FOCAD: variants seen among roughly 807,000 people sequenced by gnomAD.
The protein encoded by FOCAD is KIAA1797.
Under a neutral mutation model 225.6 loss-of-function variants are expected in FOCAD, and 198 were observed. The ratio of observed to expected loss-of-function variants is 0.88; its 90% CI spans 0.78 to 0.99. The LOEUF (loss-of-function observed/expected upper bound fraction) is 0.99. FOCAD is among the 50% of genes least tolerant of loss of function. FOCAD has a pLI of 0.00. For synonymous variants in FOCAD, 897 were observed against 755.0 expected (o/e 1.19, Z -3.08); for missense variants, 2,713 against 2,123.6 (o/e 1.28, Z -5.46).
At chr9:20,902,082 G>A (rs10757156) in intron 21 of FOCAD, among the ~76,000 whole-genome samples, 52,131 of 151,654 alleles carry the variant, frequency 0.34, 9,251 homozygotes, top group East Asian at 0.46. Flanking sequence ...TACATATTTA[G>A]TTCTGTTAAA....
At position 20,995,481 on chromosome 9, in the gene FOCAD, C is replaced by A. The variant is rs1359920830; in HGVS notation, c.5333-75C>A. 4 of 1,274,404 alleles carry A rather than the reference C, an allele frequency of 3.1e-6. No individual in the cohort carries two copies. The East Asian group carries it at 7.1e-5, about 23-fold the overall frequency. The allele number at this position is 1,274,404 out of a possible 1,614,324, so 78.9% of individuals were successfully genotyped here. ...GAACATTAGCCAAGTGAGAAAAAGA[C>A]AAATTCTGTTCTGACACCTTTTTGA... On this transcript the variant is annotated intron_variant, in intron 43 of 43. Coordinates refer to ENST00000338382, the MANE Select transcript of FOCAD (RefSeq NM_001375567.1).
chr9:20,771,098 C>A (rs906457967), intron 8 of FOCAD, among the ~76,000 whole-genome samples: 2 of 152,082 alleles, frequency 1.3e-5, no homozygotes, highest in Admixed American at 6.6e-5. Context: ...TGGAATGTGC[C>A]TGGTACAAGG....
intron 10 of FOCAD, among the ~76,000 whole-genome samples, chr9:20,783,580 T>G (rs1252942982): frequency 7.0e-6 from 1 of 142,532 alleles, no homozygotes. Flanking sequence ...ATTTGACTAT[T>G]GGATTTTTTT....
Position 20,862,565 on chromosome 9 carries a change from A to G in FOCAD, c.1921-13A>G, listed in dbSNP as rs760805562. ...GTCTTGTTAGGTGTTGACCTTTTCT[A>G]TTTGCTTCACAGGTTGTTTGCATTC... On this transcript the variant is annotated splice_polypyrimidine_tract_variant and intron_variant, in intron 15 of 43. Transcript: ENST00000338382. 2.6e-5 allele frequency: 42 copies of G among 1,611,548 alleles called. No homozygotes were observed. The highest frequency in any genetic ancestry group is 4.5e-5 in the East Asian group (2 of 44,844).
intron 21 of FOCAD, among the ~76,000 whole-genome samples, chr9:20,895,121 C>T (rs919239758): frequency 6.6e-6 from 1 of 151,962 alleles, no homozygotes; most frequent in Non-Finnish European, 1.5e-5. Flanking sequence ...CAAATATTAA[C>T]GGACTACATT....
chr9:20,824,072 T>G (rs901273992), intron 15 of FOCAD, among the ~76,000 whole-genome samples: 1 of 152,088 alleles, frequency 6.6e-6, no homozygotes, highest in Non-Finnish European at 1.5e-5. Context: ...GTTTAAAAAC[T>G]GATGTGTGGT....
chr9:20,718,049 G>A (rs977788949), intron 3 of FOCAD, among the ~76,000 whole-genome samples, 181 bp downstream of exon 3: 5 of 152,140 alleles, frequency 3.3e-5, no homozygotes, highest in Non-Finnish European at 5.9e-5. Flanking sequence ...CAATAAAAAA[G>A]TTTTAAATTT....
intron 33 of FOCAD, among the ~76,000 whole-genome samples, chr9:20,950,561 C>A (rs2132371889): frequency 6.6e-6 from 1 of 152,156 alleles, no homozygotes; most frequent in South Asian, 2.1e-4. Flanking sequence ...TTTAAAAATC[C>A]TTATGAATGA....
intron 35 of FOCAD, among the ~76,000 whole-genome samples, chr9:20,967,513 C>G (rs575410882): frequency 6.6e-6 from 1 of 151,974 alleles, no homozygotes; most frequent in Admixed American, 6.5e-5. Flanking sequence ...TTTTTCTTGT[C>G]TAATTGCTCC....
At chr9:20,919,558 A>G (rs1381312685) in intron 24 of FOCAD, among the ~76,000 whole-genome samples, 1 of 152,206 alleles carries the variant, frequency 6.6e-6, no homozygotes, top group African/African-American at 2.4e-5. Flanking sequence ...CTGACTTCAA[A>G]CTATACTACA....
intron 15 of FOCAD, among the ~76,000 whole-genome samples, chr9:20,845,589 T>C (rs1827021302): frequency 6.6e-6 from 1 of 151,834 alleles, no homozygotes; most frequent in Non-Finnish European, 1.5e-5. Context: ...TGATCAGCTT[T>C]AGAGCTAAAC....
chr9:20,808,818 A>T (rs1470897128), intron 11 of FOCAD, among the ~76,000 whole-genome samples: 1 of 152,178 alleles, frequency 6.6e-6, no homozygotes, highest in African/African-American at 2.4e-5. Context: ...TACTAGTTCT[A>T]TGTCCTTTGG....
intron 15 of FOCAD, among the ~76,000 whole-genome samples, chr9:20,849,702 G>C (rs1006165686): frequency 1.3e-5 from 2 of 151,876 alleles, no homozygotes; most frequent in South Asian, 4.1e-4. Flanking sequence ...CTAAGGGATA[G>C]GCAGCCATGT....
intron 5 of FOCAD, among the ~76,000 whole-genome samples, chr9:20,756,705 C>T (rs1266907665): frequency 6.6e-6 from 1 of 152,186 alleles, no homozygotes; most frequent in African/African-American, 2.4e-5. Context: ...GCATTTCTAA[C>T]AAGTTCCCAG....
chr9:20,747,161 A>C (rs760468428), intron 5 of FOCAD, among the ~76,000 whole-genome samples: 1 of 152,138 alleles, frequency 6.6e-6, no homozygotes, highest in Non-Finnish European at 1.5e-5. Flanking sequence ...TGATGACTAC[A>C]AAATGGTGAT....
In FOCAD at chr9:20,923,661, G is replaced by C. The variant is rs1226417566; in HGVS notation, c.2854G>C (p.Glu952Gln). 1 of 1,613,442 alleles carries C rather than the reference G, an allele frequency of 6.2e-7. No homozygotes were observed. Residue 952 changes from glutamate to glutamine, a missense_variant and splice_region_variant, in exon 25 of 44, where the codon GAG becomes CAG. Coordinates refer to ENST00000338382, the MANE Select transcript of FOCAD (RefSeq NM_001375567.1). ...TGAAATTTTTTTCCTTTTGAACAGGGAGAGTCCGGTAGTGAAAGGCAATGC... is the reference window on the plus strand; with the variant it reads ...TGAAATTTTTTTCCTTTTGAACAGGCAGAGTCCGGTAGTGAAAGGCAATGC... ...TDEITKAAAK[E>Q]SPVVKGNALL... is the part of the protein sequence containing the mutation.
At chr9:20,961,223 G>A (rs1838696011) in intron 35 of FOCAD, among the ~76,000 whole-genome samples, 1 of 150,272 alleles carries the variant, frequency 6.7e-6, no homozygotes, top group South Asian at 2.1e-4. Context: ...CTCTCTCTCT[G>A]TGTTAGTGTA....
At chr9:20,886,136 C>T (rs1395248225) in intron 21 of FOCAD, among the ~76,000 whole-genome samples, 1 of 152,148 alleles carries the variant, frequency 6.6e-6, no homozygotes, top group Non-Finnish European at 1.5e-5. Flanking sequence ...TTTTTCAAGA[C>T]CCATCTTTGT....
At chr9:20,833,527 A>G (rs1825715330) in intron 15 of FOCAD, among the ~76,000 whole-genome samples, 1 of 152,122 alleles carries the variant, frequency 6.6e-6, no homozygotes. Context: ...TTCACATGGC[A>G]GCGACCACTT....
Sources: allele counts gnomAD v4.1 joint callset (sites outside exome capture counted in the v4.1 genomes callset), GRCh38; gene constraint gnomAD v4.1.1; transcripts MANE v1.5; gene names NCBI Gene and HGNC (gene_info 2026-07-23, HGNC 2026-07-21).